Variants in PPHLN1 observed in about 807,000 individuals in gnomAD.
PPHLN1 encodes the protein periphilin-1.
In PPHLN1, 29 loss-of-function variants were observed where a neutral mutation model predicts 51.3. The ratio of observed to expected loss-of-function variants is 0.57; its 90% CI spans 0.42 to 0.77. PPHLN1 has a LOEUF of 0.77. PPHLN1 is among the 30% of genes least tolerant of loss of function. The probability of loss-of-function intolerance (pLI) is 0.00; values close to 1 mark genes in which losing one functional copy is unlikely to be tolerated. For missense variants in PPHLN1, 436 were observed against 438.4 expected (o/e 0.99, Z 0.05); for synonymous variants, 147 against 147.8 (o/e 0.99, Z 0.04).
intron 5 of PPHLN1, among the ~76,000 whole-genome samples, chr12:42,383,473 G>A (rs955941368): frequency 3.3e-5 from 5 of 152,156 alleles, no homozygotes; most frequent in Admixed American, 1.3e-4. Flanking sequence ...AATAAGTGGA[G>A]GAGGAATTTT....
chr12:42,371,210 G>A (rs1453123069), intron 4 of PPHLN1, among the ~76,000 whole-genome samples: 4 of 148,016 alleles, frequency 2.7e-5, no homozygotes, highest in Non-Finnish European at 5.9e-5. Flanking sequence ...AGCCTCTCCT[G>A]TGGGGCTCAA....
chr12:42,387,396 T>G, intron 6 of PPHLN1, 60 bp from the exon 7 acceptor site: 1 of 1,535,220 alleles, frequency 6.5e-7, no homozygotes, highest in Middle Eastern at 2.3e-4. Flanking sequence ...CATTACAAAA[T>G]TACTTTATCA....
chr12:42,326,773 C>T (rs1369494278), intron 1 of PPHLN1, among the ~76,000 whole-genome samples: 1 of 152,134 alleles, frequency 6.6e-6, no homozygotes, highest in Non-Finnish European at 1.5e-5. Context: ...CTCTAAGAGG[C>T]CATAACATGC....
intron 9 of PPHLN1, among the ~76,000 whole-genome samples, chr12:42,432,657 G>A (rs180772091): frequency 6.6e-6 from 1 of 152,144 alleles, no homozygotes. Context: ...AAATGTTCCA[G>A]TGTCTTCATC....
chr12:42,433,181 A>T, intron 9 of PPHLN1: 1 of 766,998 alleles, frequency 1.3e-6, no homozygotes. Context: ...TCATCATCCA[A>T]ACTTTAGCCA....
At chr12:42,442,555 G>A, downstream of PPHLN1, 1 of 1,568,572 alleles carries the variant, frequency 6.4e-7, no homozygotes, top group Non-Finnish European at 8.7e-7. Flanking sequence ...CTCTCTTTTG[G>A]GCTGCGCTAA....
chr12:42,364,911 C>T (rs184194428), intron 4 of PPHLN1, among the ~76,000 whole-genome samples: 5 of 152,036 alleles, frequency 3.3e-5, no homozygotes, highest in African/African-American at 7.3e-5. Context: ...AGGGAGACTC[C>T]GCCTTAAAAA....
chr12:42,348,276 ATTTTTTTTTTTT>A (rs1213561958), intron 2 of PPHLN1, among the ~76,000 whole-genome samples: 1 of 85,610 alleles, frequency 1.2e-5, no homozygotes, highest in African/African-American at 4.9e-5. Flanking sequence ...CACCTGGCTA[ATTTTTTTTTTTT>A]TTTTTTTTTT....
chr12:42,350,370 C>T (rs1157732620), intron 2 of PPHLN1: 5 of 153,450 alleles, frequency 3.3e-5, no homozygotes, highest in Non-Finnish European at 4.1e-5. Flanking sequence ...CCAGACTGGG[C>T]GGCCAGGCAG....
chr12:42,442,549 CTT>C, downstream of PPHLN1: 1 of 1,559,784 alleles, frequency 6.4e-7, no homozygotes, highest in South Asian at 1.2e-5. Context: ...ACTGCACTCT[CTT>C]TTGGGCTGCG....
chr12:42,330,883 G>A (rs2069621275), intron 1 of PPHLN1, among the ~76,000 whole-genome samples: 1 of 152,076 alleles, frequency 6.6e-6, no homozygotes, highest in Admixed American at 6.6e-5. Flanking sequence ...CTAATTTTTT[G>A]TATTTTTGGT....
chr12:42,421,225 T>G (rs1015840378), intron 9 of PPHLN1, among the ~76,000 whole-genome samples: 1 of 152,224 alleles, frequency 6.6e-6, no homozygotes, highest in Non-Finnish European at 1.5e-5. Context: ...GAAGTGGTTC[T>G]GTCCTCAAGA....
At chr12:42,434,589 G>A (rs1460428498) in intron 9 of PPHLN1, among the ~76,000 whole-genome samples, 7 of 152,196 alleles carry the variant, frequency 4.6e-5, no homozygotes, top group African/African-American at 7.2e-5. Flanking sequence ...CCCAGTTGGT[G>A]TCTGCTGGGG....
intron 9 of PPHLN1, among the ~76,000 whole-genome samples, chr12:42,413,724 G>A (rs1407579811): frequency 6.6e-6 from 1 of 151,940 alleles, no homozygotes; most frequent in African/African-American, 2.4e-5. Context: ...ACCACACCCA[G>A]CTAATTTTTG....
At chr12:42,326,594 TTTG>T (rs2068813201) in intron 1 of PPHLN1, among the ~76,000 whole-genome samples, 1 of 152,070 alleles carries the variant, frequency 6.6e-6, no homozygotes, top group East Asian at 1.9e-4. Flanking sequence ...TATGTTTTGT[TTTG>T]TTTTGTTTTC....
At position 42,352,039 on chromosome 12, in the gene PPHLN1, C is replaced by G; in HGVS notation, c.227C>G (p.Pro76Arg). Reference protein sequence around the residue: ...SFSHDRRSGPPHRGDESGYRW... With the variant: ...SFSHDRRSGPRHRGDESGYRW... The stretch of plus-strand genomic sequence containing the variant: ...TCTCATGATCGAAGAAGTGGTCCAC[C>G]TCACAGAGGAGTATGTAAATTTCCC... The change falls in exon 3 of 10, where the codon CCT (proline) becomes CGT (arginine). Residue 76 changes from proline (P) to arginine (R), a missense_variant. Transcript: ENST00000358314. The G allele has an allele frequency of 1.3e-6, 2 of 1,491,092 alleles. No homozygotes were observed. Among genetic ancestry groups the G allele is most frequent in the South Asian group, 2.9e-5 (2 of 69,908 alleles). The allele number at this position is 1,491,092 out of a possible 1,614,324, so 92.4% of individuals were successfully genotyped here.
chr12:42,341,468 T>C (rs1323935602), intron 2 of PPHLN1, among the ~76,000 whole-genome samples: 2 of 152,186 alleles, frequency 1.3e-5, no homozygotes, highest in Non-Finnish European at 2.9e-5. Context: ...TTTCTAGCCT[T>C]GATAAACCTG....
intron 9 of PPHLN1, among the ~76,000 whole-genome samples, chr12:42,413,872 A>G (rs1041918553): frequency 3.3e-5 from 5 of 150,578 alleles, no homozygotes; most frequent in Non-Finnish European, 7.4e-5. Context: ...CGATAACTGT[A>G]GTTTTGTAAT....
intron 9 of PPHLN1, among the ~76,000 whole-genome samples, chr12:42,405,799 C>G (rs1276143590): frequency 6.6e-6 from 1 of 152,002 alleles, no homozygotes. Flanking sequence ...ATTTAATTTT[C>G]CAGTTGGCTG....
Sources: gnomAD v4.1 joint callset for allele counts (sites outside exome capture counted in the v4.1 genomes callset) on GRCh38, gnomAD v4.1.1 for gene constraint, MANE v1.5 for transcripts, NCBI Gene and HGNC (gene_info 2026-07-23, HGNC 2026-07-21) for gene names.